The following FOXP2 variants were observed in gnomAD, a reference collection of about 807,000 sequenced individuals.
FOXP2 encodes the protein forkhead box protein P2.
FOXP2 carries 12 observed loss-of-function variants against 115.8 expected under a neutral mutation model. The ratio of observed to expected loss-of-function variants is 0.10; its 90% CI spans 0.07 to 0.17. The LOEUF is 0.17. Among genes scored for constraint, FOXP2 ranks in the 10% least tolerant of loss-of-function variants. The pLI is 1.00. For synonymous variants in FOXP2, 328 were observed against 297.7 expected, an observed-to-expected ratio of 1.10 and a Z score of -1.05; for missense variants, 629 against 843.5, an observed-to-expected ratio of 0.75 and a Z score of 3.15.
intron 2 of FOXP2, among the ~76,000 whole-genome samples, chr7:114,348,363 ATCTT>A (rs1301856259): frequency 6.6e-6 from 1 of 151,486 alleles, no homozygotes; most frequent in Non-Finnish European, 1.5e-5. Flanking sequence ...TAATTGATTC[ATCTT>A]TCTTTCCTAT....
rs1232684821 is a variant in FOXP2 at position 114,387,325 on chromosome 7, C to T, written c.-10-39177C>T. ...TAAATATTTGGTTAAAAAATATTCT[C>T]TTCTCTTGAGGAAGTTATATTCAGT... On this transcript the variant is annotated intron_variant, in intron 2 of 17. Transcript: ENST00000634411. Among the ~76,000 whole-genome samples, 2 of 152,246 alleles carry T rather than the reference C, an allele frequency of 1.3e-5. 1 individual carries two copies. Among genetic ancestry groups the T allele is most frequent in the Middle Eastern group, 6.9e-3 (2 of 290 alleles).
At chr7:114,337,386 A>G (rs1047471081) in intron 2 of FOXP2, among the ~76,000 whole-genome samples, 1 of 151,318 alleles carries the variant, frequency 6.6e-6, no homozygotes, top group Non-Finnish European at 1.5e-5. Context: ...TGTTCTCAAT[A>G]TATATTTATT....
chr7:114,252,509 G>A (rs1418010749), intron 1 of FOXP2, among the ~76,000 whole-genome samples: 4 of 152,070 alleles, frequency 2.6e-5, no homozygotes, highest in African/African-American at 7.2e-5. Context: ...CTTCTTCCTG[G>A]TTTAGTCTTG....
rs1045717011 is a variant in FOXP2 at position 114,573,274 on chromosome 7, G to T, written c.258+38568G>T. Among the ~76,000 whole-genome samples, 25 of 151,644 alleles carry T rather than the reference G, an allele frequency of 1.6e-4. No homozygotes were observed. The East Asian group carries it at 4.8e-3, about 29-fold the overall frequency. On this transcript the variant is annotated intron_variant, in intron 3 of 16. Coordinates refer to ENST00000350908, the MANE Select transcript of FOXP2 (RefSeq NM_014491.4). Reference sequence around the variant, plus strand: ...TTGATTACCTTATATATAAACTTCAGCATGCTAAAATGGCTACATAATGTG... The same window carrying T: ...TTGATTACCTTATATATAAACTTCATCATGCTAAAATGGCTACATAATGTG...
chr7:114,399,831 T>A (rs1792836394), intron 2 of FOXP2, among the ~76,000 whole-genome samples: 1 of 151,606 alleles, frequency 6.6e-6, no homozygotes, highest in East Asian at 1.9e-4. Context: ...AATTTCGAAG[T>A]GTCAAAATCA....
At chr7:114,212,907 A>T (rs913753245) in intron 1 of FOXP2, among the ~76,000 whole-genome samples, 4 of 152,186 alleles carry the variant, frequency 2.6e-5, no homozygotes, top group African/African-American at 4.8e-5. Flanking sequence ...CTCCAGTCAC[A>T]ATATATGTGA....
Position 114,283,310 on chromosome 7 carries a change from G to T in FOXP2, c.-101-4709G>T, listed in dbSNP as rs571553666. Among the ~76,000 whole-genome samples, 8 of 152,142 alleles carry T rather than the reference G, an allele frequency of 5.3e-5. No homozygotes were observed. The South Asian group carries it at 1.7e-3, about 32-fold the overall frequency. ...AAAATGTTAGTATAATTTTTCTGTT[G>T]AACATCAGTTACACATCAAGAACTA... On this transcript the variant is annotated intron_variant, in intron 1 of 17. Transcript: ENST00000634411.
chr7:114,439,558 T>C (rs1794506878), intron 2 of FOXP2, among the ~76,000 whole-genome samples: 1 of 152,056 alleles, frequency 6.6e-6, no homozygotes, highest in Admixed American at 6.6e-5. Flanking sequence ...TTTATTTATT[T>C]ATTTATTTAT....
chr7:114,451,490 C>T (rs777622823), intron 2 of FOXP2, among the ~76,000 whole-genome samples: 7 of 152,030 alleles, frequency 4.6e-5, no homozygotes, highest in Non-Finnish European at 7.4e-5. Flanking sequence ...TCCTGGGGCA[C>T]ACACACTCAT....
At chr7:114,570,890 C>T in intron 3 of FOXP2, 1 of 1,610,728 alleles carries the variant, frequency 6.2e-7, no homozygotes, top group Non-Finnish European at 8.5e-7. Context: ...CAGTAAGTTA[C>T]ACTGGGCAAT....
chr7:114,406,850 G>A (rs1313349586), intron 2 of FOXP2, among the ~76,000 whole-genome samples: 4 of 151,576 alleles, frequency 2.6e-5, no homozygotes, highest in South Asian at 4.2e-4. Flanking sequence ...TGTCTTTATC[G>A]CTACAGTACA....
At chr7:114,178,756 A>G (rs909430736) in intron 1 of FOXP2, among the ~76,000 whole-genome samples, 5 of 151,750 alleles carry the variant, frequency 3.3e-5, no homozygotes, top group Admixed American at 6.6e-5. Context: ...TTTTTTTATA[A>G]TTTTCATTTT....
chr7:114,491,296 A>G (rs1404446487), intron 2 of FOXP2, among the ~76,000 whole-genome samples: 4 of 152,158 alleles, frequency 2.6e-5, no homozygotes, highest in East Asian at 1.9e-4. Flanking sequence ...TGGCTGCATA[A>G]ATGTCTTCTT....
intron 3 of FOXP2, among the ~76,000 whole-genome samples, chr7:114,572,494 CTCTGTATATTTTAAAGGAAGATAAATT>C (rs1347107765): frequency 6.6e-6 from 1 of 151,604 alleles, no homozygotes; most frequent in African/African-American, 2.4e-5. Flanking sequence ...TCTAAGTATT[CTCTGTATATTTTAAAGGAAGATAAATT>C]TTAGGTAAAC....
At chr7:114,521,359 C>T (rs527987381) in intron 2 of FOXP2, among the ~76,000 whole-genome samples, 111 of 151,554 alleles carry the variant, frequency 7.3e-4, no homozygotes, top group African/African-American at 2.4e-3. Flanking sequence ...AGTGAGACCC[C>T]AACTCTACCA....
chr7:114,448,926 A>G (rs1794954526), intron 2 of FOXP2, among the ~76,000 whole-genome samples: 1 of 152,144 alleles, frequency 6.6e-6, no homozygotes, highest in Non-Finnish European at 1.5e-5. Context: ...GTGAATATTT[A>G]CTGAAATATT....
At chr7:114,135,876 G>A (rs913404603) in intron 1 of FOXP2, among the ~76,000 whole-genome samples, 5 of 152,104 alleles carry the variant, frequency 3.3e-5, no homozygotes, top group African/African-American at 4.8e-5. Flanking sequence ...CCCTGAAGGA[G>A]ATAATTCTGA....
At chr7:114,316,656 A>C (rs991015447) in intron 2 of FOXP2, among the ~76,000 whole-genome samples, 3 of 152,110 alleles carry the variant, frequency 2.0e-5, no homozygotes, top group Admixed American at 2.0e-4. Context: ...GATATGAGAG[A>C]AGAGCATTCC....
rs549821381 is a variant in FOXP2 at position 114,271,515 on chromosome 7, T to C, written c.-101-16504T>C. 2.3e-3 allele frequency among the ~76,000 whole-genome samples: 303 copies of C among 131,484 alleles called. 2 individuals are homozygous for C. Among genetic ancestry groups the C allele is most frequent in the African/African-American group, 8.2e-3 (289 of 35,170 alleles). The allele number at this position is 131,484 out of a possible 152,430, so 86.3% of individuals were successfully genotyped here. A position where few individuals can be genotyped will look rare whatever the true frequency, so the allele number is the denominator to read the frequency against. On this transcript the variant is annotated intron_variant, in intron 1 of 17. Coordinates refer to the FOXP2 transcript ENST00000634411. ...TTATATAAATATATTAATAATATAA[T>C]ATTAATATAATTATTATATTATTAT...
Sources: allele counts gnomAD v4.1 joint callset (sites outside exome capture counted in the v4.1 genomes callset), GRCh38; gene constraint gnomAD v4.1.1; transcripts MANE v1.5; gene names NCBI Gene and HGNC (gene_info 2026-07-23, HGNC 2026-07-21).